The following PUS10 variants were observed in gnomAD, a reference collection of about 807,000 sequenced individuals.
The protein encoded by PUS10 is pseudouridine synthase 10.
Under a neutral mutation model 75.0 loss-of-function variants are expected in PUS10, and 59 were observed. That is an observed-to-expected ratio of 0.79 (90% CI 0.64 to 0.98). PUS10 has a LOEUF of 0.98. PUS10 is among the 50% of genes least tolerant of loss of function. PUS10 has a pLI of 0.00. For missense variants in PUS10, 650 were observed against 614.4 expected (o/e 1.06, Z -0.61); for synonymous variants, 219 against 211.6 (o/e 1.03, Z -0.30).
intron 4 of PUS10, among the ~76,000 whole-genome samples, chr2:60,974,278 C>T (rs562903519): frequency 5.1e-5 from 7 of 137,722 alleles, no homozygotes; most frequent in Admixed American, 8.2e-5. Context: ...TGCAGTGGTG[C>T]GATACCAGCT....
chr2:60,961,591 T>C (rs1172712874), intron 9 of PUS10, 43 bp from the exon 10 acceptor site: 1 of 1,499,870 alleles, frequency 6.7e-7, no homozygotes, highest in Non-Finnish European at 9.3e-7. Flanking sequence ...CCAGACATAA[T>C]ATTGAATCAC....
chr2:60,946,306 T>TAA (rs1219347947), intron 16 of PUS10, among the ~76,000 whole-genome samples: 1 of 152,228 alleles, frequency 6.6e-6, no homozygotes, highest in Non-Finnish European at 1.5e-5. Flanking sequence ...AAGGTATATA[T>TAA]AAAGTAAATT....
chr2:60,967,718 A>AT, intron 5 of PUS10, 105 bp from the exon 6 acceptor site: 1 of 729,088 alleles, frequency 1.4e-6, no homozygotes, highest in Non-Finnish European at 2.3e-6. Flanking sequence ...AGTGCCTAGT[A>AT]TGTACCAGGC....
intron 15 of PUS10, among the ~76,000 whole-genome samples, chr2:60,949,795 C>T (rs1263263793): frequency 6.6e-6 from 1 of 152,176 alleles, no homozygotes; most frequent in Non-Finnish European, 1.5e-5. Flanking sequence ...TCTTTCAGCC[C>T]AGGCTGGAGT....
intron 3 of PUS10, 60 bp downstream of exon 3, chr2:61,008,701 T>C (rs774358739): frequency 6.1e-6 from 8 of 1,307,946 alleles, no homozygotes; most frequent in Non-Finnish European, 8.3e-6. Context: ...AAAGAATTCT[T>C]GGTTTTAAGA....
rs145925191 is a variant in PUS10 at position 60,998,973 on chromosome 2, A to G, written c.468+7584T>C. On this transcript the variant is annotated intron_variant, in intron 4 of 17. Transcript: ENST00000316752. ...GTTTTGATTTGACAAAACTCCAACC[A>G]TATCAAGTTGCAAATTGATAAGCAG... is the stretch of plus-strand genomic sequence containing the variant. The G allele has an allele frequency of 2.0e-5, 3 of 152,472 alleles. 1 individual carries two copies. In the East Asian group the frequency reaches 5.6e-4, roughly 29 times the overall value. The allele number at this position is 152,472 out of a possible 1,614,324, so 9.4% of individuals were successfully genotyped here.
At chr2:61,008,675 G>A in intron 3 of PUS10, 86 bp downstream of exon 3, 3 of 1,134,458 alleles carry the variant, frequency 2.6e-6, no homozygotes, top group African/African-American at 1.6e-5. Flanking sequence ...GTCTTGTCTT[G>A]AAAAAAGGAA....
At chr2:60,995,733 T>C (rs1678416357) in intron 4 of PUS10, among the ~76,000 whole-genome samples, 1 of 152,262 alleles carries the variant, frequency 6.6e-6, no homozygotes, top group Admixed American at 6.5e-5. Context: ...CTTGTATTTT[T>C]TTTTATTCTG....
chr2:60,955,306 T>C (rs1675580815), intron 11 of PUS10, among the ~76,000 whole-genome samples: 1 of 151,960 alleles, frequency 6.6e-6, no homozygotes, highest in African/African-American at 2.4e-5. Flanking sequence ...AAAAATGTTA[T>C]ATATATAATT....
At chr2:61,004,964 G>GT (rs1158510427) in intron 4 of PUS10, among the ~76,000 whole-genome samples, 1 of 152,104 alleles carries the variant, frequency 6.6e-6, no homozygotes, top group East Asian at 1.9e-4. Context: ...TTTAAAAACA[G>GT]TATCTTCTGG....
chr2:60,998,420 A>G (rs1308252374), intron 4 of PUS10, among the ~76,000 whole-genome samples: 2 of 152,186 alleles, frequency 1.3e-5, no homozygotes, highest in Non-Finnish European at 2.9e-5. Context: ...GGTTGGGTGC[A>G]GTGGTTCATG....
intron 4 of PUS10, among the ~76,000 whole-genome samples, chr2:60,993,333 T>C (rs931419080): frequency 1.3e-5 from 2 of 152,046 alleles, no homozygotes; most frequent in Non-Finnish European, 2.9e-5. Context: ...GGCACATGGC[T>C]GCAGTCCCCG....
At chr2:60,945,163 A>ACAGC in intron 16 of PUS10, 55 bp from the exon 17 acceptor site, 1 of 1,090,520 alleles carries the variant, frequency 9.2e-7, no homozygotes, top group Non-Finnish European at 1.4e-6. Flanking sequence ...ACTATTTGGT[A>ACAGC]AGATTTGACA....
chr2:60,952,988 T>C lies in PUS10; in HGVS notation c.1308+9A>G, dbSNP rs141655259. 1.5e-6 allele frequency: 2 copies of C among 1,347,220 alleles called. No individual in the cohort carries two copies. Among genetic ancestry groups the C allele is most frequent in the African/African-American group, 1.4e-5 (1 of 69,242 alleles). The allele number at this position is 1,347,220 out of a possible 1,614,324, so 83.5% of individuals were successfully genotyped here. ...AATGAAATAAAAAGAATAAGCACAC[T>C]TAAACTACCTTTATGTCATTTAGGA... On this transcript the variant is annotated intron_variant, in intron 15 of 17. Transcript: ENST00000316752.
At chr2:60,973,223 G>A (rs1676802165) in intron 4 of PUS10, among the ~76,000 whole-genome samples, 1 of 152,268 alleles carries the variant, frequency 6.6e-6, no homozygotes, top group Non-Finnish European at 1.5e-5. Context: ...CCCTGAAAGT[G>A]TCGGGTTAAT....
chr2:60,992,325 T>C (rs1000482615), intron 4 of PUS10, among the ~76,000 whole-genome samples: 1 of 152,184 alleles, frequency 6.6e-6, no homozygotes, highest in Non-Finnish European at 1.5e-5. Flanking sequence ...CAGAAGTACC[T>C]TAATACATGT....
chr2:60,999,101 G>A (rs1464269962), intron 4 of PUS10, among the ~76,000 whole-genome samples: 4 of 152,094 alleles, frequency 2.6e-5, no homozygotes, highest in Admixed American at 2.0e-4. Flanking sequence ...AGACCAATAA[G>A]CCAAACTGAT....
intron 4 of PUS10, among the ~76,000 whole-genome samples, chr2:60,988,696 T>C (rs1677879183): frequency 1.3e-5 from 2 of 152,124 alleles, no homozygotes; most frequent in African/African-American, 4.8e-5. Flanking sequence ...AGTGCAACGG[T>C]GCAATCTCGG....
chr2:60,944,963 G>T (rs774490716), intron 17 of PUS10, 46 bp downstream of exon 17: 2 of 1,414,076 alleles, frequency 1.4e-6, no homozygotes, highest in Non-Finnish European at 2.0e-6. Context: ...CATAACTTTG[G>T]TTGAATTCAA....
Sources: allele counts gnomAD v4.1 joint callset (sites outside exome capture counted in the v4.1 genomes callset), GRCh38; gene constraint gnomAD v4.1.1; transcripts MANE v1.5; gene names NCBI Gene and HGNC (gene_info 2026-07-23, HGNC 2026-07-21).